The following BBS9 variants were observed in gnomAD, a reference collection of about 807,000 sequenced individuals.
The protein encoded by BBS9 is Bardet-Biedl syndrome 9, also known as protein PTHB1.
Under a neutral mutation model 117.7 loss-of-function variants are expected in BBS9, and 89 were observed. That is an observed-to-expected ratio of 0.76 (90% CI 0.64 to 0.90). The LOEUF (loss-of-function observed/expected upper bound fraction) is 0.90, where lower values mean the gene tolerates loss of function less well. Among genes scored for constraint, BBS9 ranks in the 40% least tolerant of loss-of-function variants. The pLI is 0.00. For synonymous variants in BBS9, 379 were observed against 370.9 expected (o/e 1.02, Z -0.25); for missense variants, 982 against 1,042.2 (o/e 0.94, Z 0.80).
chr7:33,328,133 G>A (rs1403050391), intron 9 of BBS9, among the ~76,000 whole-genome samples: 3 of 152,156 alleles, frequency 2.0e-5, no homozygotes, highest in Non-Finnish European at 4.4e-5. Flanking sequence ...ACCAAGGCTG[G>A]AATCCTTTGC....
intron 19 of BBS9, among the ~76,000 whole-genome samples, chr7:33,435,636 A>G (rs10236253): frequency 2.2e-4 from 33 of 152,188 alleles, no homozygotes; most frequent in Non-Finnish European, 2.4e-4. Flanking sequence ...CAAGCATAGT[A>G]TGTGGGTTGG....
chr7:33,298,404 A>G (rs138355278), intron 9 of BBS9, among the ~76,000 whole-genome samples: 63 of 152,210 alleles, frequency 4.1e-4, no homozygotes, highest in African/African-American at 1.4e-3. Context: ...TTAACTTTTT[A>G]TTAGACTGCC....
At chr7:33,323,951 C>T (rs575440457) in intron 9 of BBS9, among the ~76,000 whole-genome samples, 9 of 150,920 alleles carry the variant, frequency 6.0e-5, no homozygotes, top group Non-Finnish European at 1.0e-4. Flanking sequence ...AATTCTCCTG[C>T]GTCAGCCTCT....
intron 9 of BBS9, among the ~76,000 whole-genome samples, chr7:33,308,856 C>T (rs1198049933): frequency 1.3e-5 from 2 of 152,108 alleles, no homozygotes; most frequent in Non-Finnish European, 2.9e-5. Context: ...CTCTTAGGAG[C>T]CACCAACTAT....
At chr7:33,589,936 T>A (rs1861569313) in intron 21 of BBS9, among the ~76,000 whole-genome samples, 1 of 152,020 alleles carries the variant, frequency 6.6e-6, no homozygotes, top group Admixed American at 6.6e-5. Flanking sequence ...ATATTGTAAC[T>A]TTTAGGAAGT....
chr7:33,620,703 T>C (rs1346680478), intron 21 of BBS9, among the ~76,000 whole-genome samples: 1 of 152,098 alleles, frequency 6.6e-6, no homozygotes, highest in East Asian at 1.9e-4. Flanking sequence ...CCATCAAAAT[T>C]CCAGTGACGT....
chr7:33,256,595 A>G (rs17170142), intron 5 of BBS9, among the ~76,000 whole-genome samples: 21,228 of 152,012 alleles, frequency 0.14, 1,824 homozygotes, highest in Non-Finnish European at 0.18. Context: ...TTTCTATGCA[A>G]TTTGATTTCT....
rs539295199 is a variant in BBS9, at chr7:33,239,557, G to A, written c.443-17679G>A. Among the ~76,000 whole-genome samples the A allele has an allele frequency of 4.4e-4, 67 of 152,008 alleles. No homozygotes were observed. In the South Asian group the frequency reaches 0.012, roughly 28 times the overall value. ...CCCAAGTAGCTGGGATTACAGGCAC[G>A]TGCCACCATGCCCCAACTTTGCCTA... On this transcript the variant is annotated intron_variant, in intron 5 of 22. Coordinates refer to ENST00000242067, the MANE Select transcript of BBS9 (RefSeq NM_198428.3).
chr7:33,437,328 T>C (rs1055144853), intron 19 of BBS9, among the ~76,000 whole-genome samples: 3 of 152,168 alleles, frequency 2.0e-5, no homozygotes, highest in African/African-American at 4.8e-5. Flanking sequence ...CAGTCTTCTT[T>C]CCAAACAGCG....
intron 9 of BBS9, among the ~76,000 whole-genome samples, chr7:33,291,928 T>C (rs530382091): frequency 2.6e-5 from 4 of 152,220 alleles, no homozygotes; most frequent in African/African-American, 7.2e-5. Flanking sequence ...TTTCAAGTCT[T>C]TGGGGAGAAC....
intron 21 of BBS9, among the ~76,000 whole-genome samples, chr7:33,540,855 C>T (rs1296295932): frequency 1.3e-5 from 2 of 152,190 alleles, no homozygotes; most frequent in African/African-American, 4.8e-5. Flanking sequence ...TCCTCTTGAG[C>T]ATAGGCCAAG....
At chr7:33,381,923 C>G (rs2128744976) in intron 17 of BBS9, among the ~76,000 whole-genome samples, 1 of 152,194 alleles carries the variant, frequency 6.6e-6, no homozygotes, top group East Asian at 1.9e-4. Context: ...AATTGAAGTC[C>G]TAATAACCAA....
chr7:33,510,107 G>C (rs972528500), intron 20 of BBS9, among the ~76,000 whole-genome samples: 16 of 152,044 alleles, frequency 1.1e-4, no homozygotes, highest in African/African-American at 3.9e-4. Context: ...TCTTACACTT[G>C]GTTCCGTTTG....
chr7:33,368,592 A>ACG (rs1822250090), intron 17 of BBS9, among the ~76,000 whole-genome samples: 1 of 149,562 alleles, frequency 6.7e-6, no homozygotes, highest in African/African-American at 2.5e-5. Flanking sequence ...ACACACACAC[A>ACG]CACACACACA....
chr7:33,406,171 C>T (rs1388043718), intron 19 of BBS9, among the ~76,000 whole-genome samples: 1 of 152,092 alleles, frequency 6.6e-6, no homozygotes, highest in East Asian at 1.9e-4. Flanking sequence ...TTTCTTAATC[C>T]TGAGTTCTAG....
intron 19 of BBS9, among the ~76,000 whole-genome samples, chr7:33,449,142 G>A (rs1014226037): frequency 3.9e-5 from 6 of 152,202 alleles, no homozygotes; most frequent in African/African-American, 1.2e-4. Context: ...CTGAGTCCTT[G>A]TGCTGGGCAT....
At position 33,518,440 on chromosome 7, in the gene BBS9, G is replaced by A. The variant is rs909503364; in HGVS notation, c.2298+12795G>A. ...TAATTTTTGTACTTTTAATAGAGAC[G>A]GGGTTTCATCATGTTGGCCAGAATG... On this transcript the variant is annotated intron_variant, in intron 20 of 22. Coordinates refer to ENST00000242067, the MANE Select transcript of BBS9 (RefSeq NM_198428.3). Among the ~76,000 whole-genome samples the A allele has an allele frequency of 2.3e-4, 35 of 151,412 alleles. 1 individual carries two copies. Among genetic ancestry groups the A allele is most frequent in the Non-Finnish European group, 4.6e-4 (31 of 67,886 alleles).
At chr7:33,269,824 A>G (rs1799467592) in intron 7 of BBS9, among the ~76,000 whole-genome samples, 1 of 151,970 alleles carries the variant, frequency 6.6e-6, no homozygotes, top group Non-Finnish European at 1.5e-5. Flanking sequence ...GGAAATCGAG[A>G]CCATCCTGGC....
chr7:33,592,320 T>C (rs1354699253), intron 21 of BBS9, among the ~76,000 whole-genome samples: 1 of 152,066 alleles, frequency 6.6e-6, no homozygotes, highest in Non-Finnish European at 1.5e-5. Context: ...AGAAAGCACA[T>C]GCTATATTTT....
Sources: allele counts gnomAD v4.1 joint callset (sites outside exome capture counted in the v4.1 genomes callset), GRCh38; gene constraint gnomAD v4.1.1; transcripts MANE v1.5; gene names NCBI Gene and HGNC (gene_info 2026-07-23, HGNC 2026-07-21).